Variants in TMF1 observed in about 807,000 individuals in gnomAD.
TMF1 encodes TATA element modulatory factor.
TMF1 carries 71 observed loss-of-function variants against 126.5 expected under a neutral mutation model. The observed-to-expected ratio is 0.56, with a 90% confidence interval of 0.46 to 0.68. TMF1 has a LOEUF of 0.68. Among genes scored for constraint, TMF1 ranks in the 30% least tolerant of loss-of-function variants. The probability of loss-of-function intolerance (pLI) is 0.00; values close to 1 mark genes in which losing one functional copy is unlikely to be tolerated. For synonymous variants in TMF1, 461 were observed against 430.5 expected, an observed-to-expected ratio of 1.07 and a Z score of -0.88; for missense variants, 1,259 against 1,253.2, an observed-to-expected ratio of 1.00 and a Z score of -0.07.
chr3:69,025,929 T>C, intron 14 of TMF1, 67 bp downstream of exon 14: 2 of 1,367,470 alleles, frequency 1.5e-6, no homozygotes, highest in East Asian at 2.3e-5. Context: ...ACAGACAATA[T>C]TGCCATTTGC....
intron 11 of TMF1, among the ~76,000 whole-genome samples, chr3:69,029,023 A>G (rs999689561): frequency 6.6e-6 from 1 of 151,210 alleles, no homozygotes; most frequent in East Asian, 2.0e-4. Flanking sequence ...TCTTGTTATA[A>G]TATCCTATTA....
chr3:69,028,241 C>T lies in TMF1; in HGVS notation c.2649G>A (p.Glu883=). ...LKDEYVRTLE[E]TRKEKTLLNS... is the part of the protein sequence containing the mutation. Reference sequence around the variant, plus strand: ...AGAGAAATACCTTTTCTTTCCTCGTCTCTTCAAGTGTTCTTACATATTCAT... The same window carrying T: ...AGAGAAATACCTTTTCTTTCCTCGTTTCTTCAAGTGTTCTTACATATTCAT... The change falls in exon 12 of 17, where the codon GAG becomes GAA. Residue 883 remains glutamate, a synonymous_variant. Transcript: ENST00000398559. 1 of 1,613,194 alleles carries T rather than the reference C, an allele frequency of 6.2e-7. No homozygotes were observed. Among genetic ancestry groups the T allele is most frequent in the African/African-American group, 1.3e-5 (1 of 75,024 alleles).
intron 10 of TMF1, among the ~76,000 whole-genome samples, chr3:69,031,079 G>A (rs934310814): frequency 1.3e-5 from 2 of 152,110 alleles, no homozygotes; most frequent in African/African-American, 2.4e-5. Flanking sequence ...CTAAACTACC[G>A]ATACAAAAAC....
rs1283554657 is a variant in TMF1, at chr3:69,021,998, T to C, written c.*1179A>G. 6.6e-6 allele frequency: 1 copy of C among 152,618 alleles called. No individual in the cohort carries two copies. Among genetic ancestry groups the C allele is most frequent in the East Asian group, 1.9e-4 (1 of 5,200 alleles). The allele number at this position is 152,618 out of a possible 1,614,324, so 9.5% of individuals were successfully genotyped here. ...AGCACCTGGCCGTAAATGAGAGTTT[T>C]TATGTGCAAGTAAAGGCAGTTAAAT... On this transcript the variant is annotated 3_prime_UTR_variant, in exon 17 of 17. Transcript: ENST00000398559.
chr3:69,033,378 TA>T (rs1220877706), intron 10 of TMF1, among the ~76,000 whole-genome samples, 169 bp downstream of exon 10: 1 of 151,272 alleles, frequency 6.6e-6, no homozygotes, highest in Non-Finnish European at 1.5e-5. Context: ...GAAAGAGACA[TA>T]ATAAAGGTAT....
chr3:69,035,107 G>T lies in TMF1; in HGVS notation c.2160C>A (p.Asp720Glu), dbSNP rs778519079. ...CTGTACGCTGCAATGCAAGCCTAAG[G>T]TCCCCCACCTGTAGGAGGAGAAACA... ...QQETLAIQVG[D>E]LRLALQRTEQ... The change falls in exon 9 of 17, where the codon GAC becomes GAA. Residue 720 changes from aspartate to glutamate, a missense_variant. Physicochemically the swap from Asp to Glu is conservative, Grantham distance 45 (BLOSUM62 2). Transcript: ENST00000398559. 4 of 1,613,740 alleles carry T rather than the reference G, an allele frequency of 2.5e-6. No individual in the cohort carries two copies. The Admixed American group carries it at 6.7e-5, about 27-fold the overall frequency.
At position 69,039,546 on chromosome 3, in the gene TMF1, T is replaced by C. The variant is rs369841938; in HGVS notation, c.1827+5A>G. 24 of 1,609,886 alleles carry C rather than the reference T, an allele frequency of 1.5e-5. No homozygotes were observed. The African/African-American group carries it at 2.8e-4, about 19-fold the overall frequency. ...TATATGTAGAGAATTATGATTGCTA[T>C]TCACCTGTTTCAAATGCTGCAACTC... is the stretch of plus-strand genomic sequence containing the variant. On this transcript the variant is annotated splice_donor_5th_base_variant and intron_variant, in intron 6 of 16. Transcript: ENST00000398559.
Position 69,029,505 on chromosome 3 carries a change from T to A in TMF1, c.2594+310A>T, listed in dbSNP as rs370663671. 9.2e-5 allele frequency among the ~76,000 whole-genome samples: 14 copies of A among 151,712 alleles called. 1 individual carries two copies. The South Asian group carries it at 2.7e-3, about 29-fold the overall frequency. ...TGTCACCCAGGCTGGAGTGCAGTGG[T>A]GGGATCTTGGCTCACTGCAACTTCC... On this transcript the variant is annotated intron_variant, in intron 11 of 16. Coordinates refer to ENST00000398559, the MANE Select transcript of TMF1 (RefSeq NM_007114.3).
chr3:69,028,166 C>T, intron 12 of TMF1, 60 bp downstream of exon 12: 1 of 1,426,970 alleles, frequency 7.0e-7, no homozygotes, highest in Non-Finnish European at 9.8e-7. Context: ...TAATTTGCTG[C>T]CATCCCCAAC....
At chr3:69,023,732 G>C (rs996474183) in intron 16 of TMF1, among the ~76,000 whole-genome samples, 1 of 152,060 alleles carries the variant, frequency 6.6e-6, no homozygotes, top group Non-Finnish European at 1.5e-5. Flanking sequence ...CTAACATCCA[G>C]ATGAGACAAT....
intron 9 of TMF1, among the ~76,000 whole-genome samples, chr3:69,034,221 C>T (rs1459151271): frequency 2.6e-5 from 4 of 152,080 alleles, no homozygotes; most frequent in African/African-American, 9.7e-5. Flanking sequence ...GTGTGTAATC[C>T]CAGCACTTTG....
intron 8 of TMF1, among the ~76,000 whole-genome samples, chr3:69,037,926 G>C (rs62254236): frequency 0.33 from 50,515 of 152,062 alleles, 8,543 homozygotes; most frequent in East Asian, 0.44. Flanking sequence ...CAAGGATGTG[G>C]AGAAACTGAA....
intron 13 of TMF1, 76 bp downstream of exon 13, chr3:69,027,824 A>C: frequency 2.7e-6 from 2 of 750,628 alleles, no homozygotes; most frequent in East Asian, 5.6e-5. Context: ...AGCATAGCTA[A>C]AATTAAAAAG....
intron 1 of TMF1, 22 bp from the exon 2 acceptor site, chr3:69,048,584 T>A: frequency 6.5e-7 from 1 of 1,536,254 alleles, no homozygotes; most frequent in Admixed American, 2.1e-5. Flanking sequence ...AAGTAAATAT[T>A]AAAAAAGAAC....
Position 69,035,212 on chromosome 3 carries a change from T to C in TMF1, c.2152-97A>G, listed in dbSNP as rs145770299. 5.5e-4 allele frequency: 538 copies of C among 981,492 alleles called. 3 individuals carry two copies. The African/African-American group carries it at 7.5e-3, about 14-fold the overall frequency. 60.8% of individuals were successfully genotyped at this position (981,492 alleles called of 1,614,324 possible). On this transcript the variant is annotated intron_variant, in intron 8 of 16. Transcript: ENST00000398559. Reference sequence around the variant, plus strand: ...TTTTGTGTTGTGTCAACATTGTTCATGTATACTATTTCATACTCTCCAATG... The same window carrying C: ...TTTTGTGTTGTGTCAACATTGTTCACGTATACTATTTCATACTCTCCAATG...
intron 14 of TMF1, 25 bp downstream of exon 14, chr3:69,025,971 G>C: frequency 6.5e-7 from 1 of 1,535,742 alleles, no homozygotes; most frequent in Non-Finnish European, 9.0e-7. Context: ...TAAGAACTAA[G>C]CACATATAAA....
Position 69,052,114 on chromosome 3 carries a change from G to C in TMF1, c.-28C>G. 1 of 1,596,086 alleles carries C rather than the reference G, an allele frequency of 6.3e-7. No homozygotes were observed. The highest frequency in any genetic ancestry group is 8.5e-7 in the Non-Finnish European group (1 of 1,173,128). On this transcript the variant is annotated 5_prime_UTR_variant, in exon 1 of 17. Coordinates refer to ENST00000398559, the MANE Select transcript of TMF1 (RefSeq NM_007114.3). ...CCCCTCCTCAGCCGGCAGTGGCGGC[G>C]GCAGCACCAAGCGGGAAGGCCTCAG...
At position 69,020,762 on chromosome 3, in the gene TMF1, G is replaced by C. The variant is rs937457226; in HGVS notation, c.*2415C>G. ...TTTGAGTATCAGCTATTTATTTGTA[G>C]ATAAAGAGTAATATATGGTAATATG... On this transcript the variant is annotated 3_prime_UTR_variant, in exon 17 of 17. Transcript: ENST00000398559. The C allele has an allele frequency of 5.9e-5, 9 of 152,214 alleles. No homozygotes were observed. Among genetic ancestry groups the C allele is most frequent in the African/African-American group, 2.2e-4 (9 of 41,564 alleles). 9.4% of individuals were successfully genotyped at this position (152,214 alleles called of 1,614,324 possible).
chr3:69,026,235 C>T (rs879246497), intron 13 of TMF1, 138 bp from the exon 14 acceptor site: 2 of 536,354 alleles, frequency 3.7e-6, no homozygotes, highest in Non-Finnish European at 6.5e-6. Context: ...TCAATACAAT[C>T]AAAAGAAGAA....
Sources: allele counts gnomAD v4.1 joint callset (sites outside exome capture counted in the v4.1 genomes callset), GRCh38; gene constraint gnomAD v4.1.1; transcripts MANE v1.5; gene names NCBI Gene and HGNC (gene_info 2026-07-23, HGNC 2026-07-21).